Variants in COX7A2L observed in about 807,000 individuals in gnomAD.
COX7A2L encodes the protein cytochrome c oxidase subunit 7A2 like, also known as cytochrome c oxidase subunit 7A2-like, mitochondrial.
A neutral mutation model predicts 14.2 loss-of-function variants in COX7A2L; 18 were observed. The observed-to-expected ratio is 1.27, with a 90% CI of 0.88 to 1.88. The LOEUF (loss-of-function observed/expected upper bound fraction) is 1.88, where lower values mean the gene tolerates loss of function less well. COX7A2L is among the 40% of genes most tolerant of loss of function. COX7A2L has a pLI of 0.00. For missense variants in COX7A2L, 179 were observed against 138.8 expected (o/e 1.29, Z -1.46); for synonymous variants, 65 against 57.4 (o/e 1.13, Z -0.60).
chr2:42,354,089 G>A (rs531041967), intron 1 of COX7A2L, among the ~76,000 whole-genome samples: 1 of 152,142 alleles, frequency 6.6e-6, no homozygotes, highest in South Asian at 2.1e-4. Flanking sequence ...GGGGGCTTGG[G>A]GGCTAGGGAG....
upstream of COX7A2L, chr2:42,361,327 G>C (rs1236285803): frequency 3.2e-6 from 2 of 621,510 alleles, no homozygotes; most frequent in Non-Finnish European, 5.5e-6. Flanking sequence ...AGCCGCATTG[G>C]GGAACCAAAA....
chr2:42,368,065 C>T (rs1558639876), intron 1 of COX7A2L, among the ~76,000 whole-genome samples: 1 of 152,240 alleles, frequency 6.6e-6, no homozygotes, highest in Non-Finnish European at 1.5e-5. Flanking sequence ...TGTTTCGGCA[C>T]AGATGTCAGG....
upstream of COX7A2L, among the ~76,000 whole-genome samples, chr2:42,364,250 C>CAAA (rs35151680): frequency 3.2e-4 from 27 of 85,400 alleles, no homozygotes; most frequent in African/African-American, 8.1e-4. Flanking sequence ...GACTCCGTCT[C>CAAA]AAAAAAAAAA....
chr2:42,347,878 G>A (rs535679720), downstream of COX7A2L, among the ~76,000 whole-genome samples: 109 of 152,218 alleles, frequency 7.2e-4, 1 homozygote, highest in African/African-American at 2.6e-3. Flanking sequence ...CCGAGATGGC[G>A]CCATTGCACT....
rs559714348 is a variant in COX7A2L, at chr2:42,350,995, C to A, written c.*224G>T. 2 of 430,250 alleles carry A rather than the reference C, an allele frequency of 4.6e-6. No homozygotes were observed. Among genetic ancestry groups the A allele is most frequent in the East Asian group, 8.3e-5 (2 of 24,094 alleles). 26.7% of individuals were successfully genotyped at this position (430,250 alleles called of 1,614,324 possible). A position where few individuals can be genotyped will look rare whatever the true frequency, so the allele number is the denominator to read the frequency against. ...TCCAGGGAAATCAGGAGCACAAACA[C>A]AGAGCAAAGCACCATTTCTTTAAAC... is the stretch of plus-strand genomic sequence containing the variant. On this transcript the variant is annotated 3_prime_UTR_variant, in exon 3 of 3. Coordinates refer to ENST00000234301, the MANE Select transcript of COX7A2L (RefSeq NM_004718.4).
intron 2 of COX7A2L, among the ~76,000 whole-genome samples, chr2:42,336,386 G>A (rs895353701): frequency 2.6e-5 from 4 of 152,156 alleles, no homozygotes; most frequent in Admixed American, 1.3e-4. Context: ...TCCAGAGGCC[G>A]ACATCAACTC....
In COX7A2L at chr2:42,339,356, G is replaced by A. The variant is rs1158971807; in HGVS notation, c.193-5487C>T. ...ATGTCCTGATTCAACGCTAGGCTCC[G>A]TTCCACACCACTCACTCGAAGCATG... is the stretch of plus-strand genomic sequence containing the variant. On this transcript the variant is annotated intron_variant, in intron 2 of 2. Transcript: ENST00000468711. This position sits in a 1 kb window ranked among gnomAD's most constrained non-coding sequence, Gnocchi z 5.4. Among the ~76,000 whole-genome samples, 4 of 152,102 alleles carry A rather than the reference G, an allele frequency of 2.6e-5. No homozygotes were observed. Among genetic ancestry groups the A allele is most frequent in the African/African-American group, 4.8e-5 (2 of 41,410 alleles).
intron 2 of COX7A2L, among the ~76,000 whole-genome samples, chr2:42,341,587 C>T (rs1670405330): frequency 1.3e-5 from 2 of 152,218 alleles, no homozygotes; most frequent in South Asian, 2.1e-4. Flanking sequence ...CAGGTCCTGA[C>T]TCAGAGTGAT....
intron 2 of COX7A2L, among the ~76,000 whole-genome samples, chr2:42,341,339 G>C (rs1049534684): frequency 6.6e-6 from 1 of 152,246 alleles, no homozygotes; most frequent in Non-Finnish European, 1.5e-5. Flanking sequence ...GGCGTCGCAG[G>C]GGGCAGCACA....
At chr2:42,366,504 C>T (rs971510391) in intron 1 of COX7A2L, among the ~76,000 whole-genome samples, 15 of 152,184 alleles carry the variant, frequency 9.9e-5, no homozygotes, top group Admixed American at 3.9e-4. Context: ...AGATTTATGA[C>T]CTTTGGCTAG....
At chr2:42,349,209 C>T (rs1670562896), downstream of COX7A2L, 1 of 152,200 alleles carries the variant, frequency 6.6e-6, no homozygotes, top group Admixed American at 6.5e-5. Flanking sequence ...GTGGAAAGAA[C>T]CCAAATGTCC....
chr2:42,361,875 T>G (rs1448943504), upstream of COX7A2L: 2 of 152,056 alleles, frequency 1.3e-5, no homozygotes, highest in Admixed American at 6.5e-5. Context: ...ATAAGAAAAT[T>G]TGGAAGCACC....
downstream of COX7A2L, among the ~76,000 whole-genome samples, chr2:42,347,789 C>T (rs559790337): frequency 5.3e-5 from 8 of 152,104 alleles, no homozygotes; most frequent in Non-Finnish European, 1.0e-4. Flanking sequence ...GGTATGGTGG[C>T]GCATGCCAGT....
At chr2:42,360,855 G>A in intron 1 of COX7A2L, 1 of 577,422 alleles carries the variant, frequency 1.7e-6, no homozygotes, top group Non-Finnish European at 3.1e-6. Context: ...GACCCCTGCA[G>A]TGAGCCAGAC....
upstream of COX7A2L, chr2:42,361,418 T>C (rs1360178793): frequency 4.6e-6 from 2 of 431,244 alleles, no homozygotes; most frequent in Non-Finnish European, 8.3e-6. Context: ...CTGTAGGAAA[T>C]ATGAAGTTCC....
intron 1 of COX7A2L, among the ~76,000 whole-genome samples, chr2:42,354,657 G>A (rs1420821036): frequency 1.3e-5 from 2 of 152,146 alleles, no homozygotes; most frequent in Non-Finnish European, 2.9e-5. Flanking sequence ...ATAAAAAGAA[G>A]CATTAAAGTA....
At chr2:42,352,114 C>T (rs1670667330) in intron 2 of COX7A2L, among the ~76,000 whole-genome samples, 1 of 152,162 alleles carries the variant, frequency 6.6e-6, no homozygotes, top group South Asian at 2.1e-4. Flanking sequence ...TGCCTTCTTT[C>T]CGTCACACTG....
At chr2:42,363,683 A>T (rs2103918884), upstream of COX7A2L, among the ~76,000 whole-genome samples, 1 of 152,362 alleles carries the variant, frequency 6.6e-6, no homozygotes, top group East Asian at 1.9e-4. Flanking sequence ...GCACACTCTG[A>T]CAGTACTAAG....
upstream of COX7A2L, among the ~76,000 whole-genome samples, chr2:42,362,490 A>C (rs187477224): frequency 2.0e-5 from 3 of 152,344 alleles, no homozygotes; most frequent in African/African-American, 7.2e-5. Context: ...ATACAGGAAA[A>C]TGACGCCTGG....
Sources: gnomAD v4.1 joint callset for allele counts (sites outside exome capture counted in the v4.1 genomes callset) on GRCh38, gnomAD v4.1.1 for gene constraint, Gnocchi (gnomAD v3.1) non-coding constraint, MANE v1.5 for transcripts, NCBI Gene and HGNC (gene_info 2026-07-23, HGNC 2026-07-21) for gene names.